The following MACROD2 variants were observed in gnomAD, a reference collection of about 807,000 sequenced individuals.
MACROD2 encodes mono-ADP ribosylhydrolase 2.
A neutral mutation model predicts 70.4 loss-of-function variants in MACROD2; 36 were observed. The ratio of observed to expected loss-of-function variants is 0.51; its 90% confidence interval spans 0.39 to 0.68. MACROD2 has a LOEUF of 0.68. Ranked by LOEUF, MACROD2 falls within the 30% of genes least tolerant of loss-of-function variation. The pLI is 0.00. For missense variants in MACROD2, 496 were observed against 538.4 expected (o/e 0.92, Z 0.78); for synonymous variants, 172 against 178.8 (o/e 0.96, Z 0.30).
At chr20:15,104,819 A>G (rs563447461) in intron 5 of MACROD2, among the ~76,000 whole-genome samples, 2 of 152,336 alleles carry the variant, frequency 1.3e-5, no homozygotes, top group South Asian at 4.1e-4. Flanking sequence ...AATAGATATT[A>G]GCTATTAAAA....
intron 8 of MACROD2, among the ~76,000 whole-genome samples, chr20:15,801,544 T>C (rs1327475044): frequency 6.6e-6 from 1 of 152,104 alleles, no homozygotes; most frequent in African/African-American, 2.4e-5. Flanking sequence ...GTCTCTATTA[T>C]CTTCCATTAA....
intron 6 of MACROD2, among the ~76,000 whole-genome samples, chr20:15,420,865 T>C (rs978313812): frequency 6.6e-6 from 1 of 152,088 alleles, no homozygotes; most frequent in Non-Finnish European, 1.5e-5. Context: ...GCAGGAGGAT[T>C]ACTTGATGCT....
intron 4 of MACROD2, among the ~76,000 whole-genome samples, chr20:14,552,162 T>C (rs1395617419): frequency 6.6e-6 from 1 of 151,316 alleles, no homozygotes; most frequent in African/African-American, 2.4e-5. Context: ...TATTCTTTAT[T>C]TCATGTGACC....
At chr20:15,349,495 G>A (rs528569102) in intron 6 of MACROD2, among the ~76,000 whole-genome samples, 14 of 152,178 alleles carry the variant, frequency 9.2e-5, no homozygotes, top group African/African-American at 2.6e-4. Context: ...GGTGGCTCAC[G>A]CCTGTAATCC....
intron 3 of MACROD2, among the ~76,000 whole-genome samples, chr20:14,090,622 C>T (rs2054135720): frequency 6.6e-6 from 1 of 151,418 alleles, no homozygotes; most frequent in Non-Finnish European, 1.5e-5. Context: ...TATTTATATC[C>T]ACCCATCTGC....
chr20:15,238,530 TA>T (rs534710879), intron 6 of MACROD2, among the ~76,000 whole-genome samples: 122 of 152,214 alleles, frequency 8.0e-4, no homozygotes, highest in Middle Eastern at 3.4e-3. Flanking sequence ...CCTTTGATTT[TA>T]TTCTAATATA....
chr20:15,809,853 C>T (rs2063801500), intron 8 of MACROD2, among the ~76,000 whole-genome samples: 1 of 144,434 alleles, frequency 6.9e-6, no homozygotes, highest in Non-Finnish European at 1.5e-5. Context: ...CTTCTCTGGC[C>T]ACCCTATCTT....
chr20:15,009,736 A>G (rs2075067026), intron 5 of MACROD2, among the ~76,000 whole-genome samples: 1 of 150,538 alleles, frequency 6.6e-6, no homozygotes, highest in Non-Finnish European at 1.5e-5. Context: ...AATTTTTTTC[A>G]GTCTTTGAAA....
intron 5 of MACROD2, among the ~76,000 whole-genome samples, chr20:15,088,367 G>T (rs1312377490): frequency 7.2e-6 from 1 of 139,544 alleles, no homozygotes; most frequent in Non-Finnish European, 1.5e-5. Context: ...TGACTTGAAA[G>T]AATAACCATT....
rs184893983 is a variant in MACROD2 at position 14,227,189 on chromosome 20, A to G, written c.271+141461A>G. 4.7e-3 allele frequency among the ~76,000 whole-genome samples: 709 copies of G among 152,266 alleles called. 3 individuals are homozygous for G. The highest frequency in any genetic ancestry group is 0.016 in the African/African-American group (666 of 41,544). On this transcript the variant is annotated intron_variant, in intron 3 of 17. Transcript: ENST00000684519. ...TAGCTCAGGGATTGTAAAGGCACCA[A>G]TCAGCGCCCTGTGGAAGCAGACCAC...
In MACROD2 at chr20:15,088,397, T is replaced by TTATATATA. The variant is rs71190173; in HGVS notation, c.419-141496_419-141489dup. Among the ~76,000 whole-genome samples, 22 of 111,126 alleles carry TTATATATA rather than the reference T, an allele frequency of 2.0e-4. No individual in the cohort carries two copies. In the South Asian group the frequency reaches 2.3e-3, roughly 11 times the overall value. 72.9% of individuals were successfully genotyped at this position (111,126 alleles called of 152,430 possible). On this transcript the variant is annotated intron_variant, in intron 5 of 17. Coordinates refer to ENST00000684519, the MANE Select transcript of MACROD2 (RefSeq NM_001351661.2). Reference sequence around the variant, plus strand: ...ACCATTAAAACATATATACTATATTTTATATATATATATATATATATATAT... The same window carrying TTATATATA: ...ACCATTAAAACATATATACTATATTTTATATATATATATATATATATATATATATATAT...
chr20:14,749,751 A>G (rs904974542), intron 5 of MACROD2, among the ~76,000 whole-genome samples: 1 of 152,172 alleles, frequency 6.6e-6, no homozygotes, highest in Non-Finnish European at 1.5e-5. Flanking sequence ...ATAGGCATAC[A>G]TAAATAGATT....
At chr20:14,059,032 T>C (rs1008203174) in intron 2 of MACROD2, among the ~76,000 whole-genome samples, 2 of 152,220 alleles carry the variant, frequency 1.3e-5, no homozygotes, top group Non-Finnish European at 2.9e-5. Flanking sequence ...GTTTTCTTTC[T>C]ACGTGTGTAG....
intron 4 of MACROD2, among the ~76,000 whole-genome samples, chr20:14,501,214 GA>G (rs1298660829): frequency 2.0e-5 from 3 of 151,950 alleles, no homozygotes; most frequent in Non-Finnish European, 4.4e-5. Flanking sequence ...GGGCAATAAA[GA>G]GAACAATATG....
chr20:14,580,452 AAT>A (rs780132702), intron 4 of MACROD2, among the ~76,000 whole-genome samples: 20 of 141,060 alleles, frequency 1.4e-4, no homozygotes, highest in African/African-American at 4.9e-4. Flanking sequence ...AAAAAAAAAA[AAT>A]CAAAAGTAAA....
chr20:14,593,779 G>C (rs1981935858), intron 4 of MACROD2, among the ~76,000 whole-genome samples: 1 of 152,024 alleles, frequency 6.6e-6, no homozygotes. Context: ...TATGTATATA[G>C]AGTCTATTTA....
At chr20:15,614,618 A>G (rs1010851990) in intron 8 of MACROD2, among the ~76,000 whole-genome samples, 8 of 152,192 alleles carry the variant, frequency 5.3e-5, no homozygotes, top group African/African-American at 1.9e-4. Context: ...CCTATTGCTC[A>G]GTATACCACA....
intron 3 of MACROD2, among the ~76,000 whole-genome samples, chr20:14,472,923 T>C (rs992740209): frequency 3.3e-5 from 5 of 152,046 alleles, no homozygotes; most frequent in Non-Finnish European, 7.4e-5. Context: ...GCCTGGAAGA[T>C]GTAAGAAGGT....
chr20:14,671,039 CT>C (rs1279620928), intron 4 of MACROD2, among the ~76,000 whole-genome samples: 1 of 152,178 alleles, frequency 6.6e-6, no homozygotes, highest in Non-Finnish European at 1.5e-5. Flanking sequence ...GGTCACTCAT[CT>C]CTTTTTCATC....
Sources: allele counts gnomAD v4.1 joint callset (sites outside exome capture counted in the v4.1 genomes callset), GRCh38; gene constraint gnomAD v4.1.1; transcripts MANE v1.5; gene names NCBI Gene and HGNC (gene_info 2026-07-23, HGNC 2026-07-21).